ALPK1: variants seen among roughly 807,000 people sequenced by gnomAD.
ALPK1 encodes alpha kinase 1, also known as alpha-protein kinase 1.
Under a neutral mutation model 120.6 loss-of-function variants are expected in ALPK1, and 110 were observed. That is an observed-to-expected ratio of 0.91 (90% CI 0.78 to 1.07). ALPK1 has a LOEUF of 1.07. Ranked by LOEUF, ALPK1 falls within the 50% of genes least tolerant of loss-of-function variation. ALPK1 has a pLI of 0.00. For synonymous variants in ALPK1, 582 were observed against 560.3 expected, an observed-to-expected ratio of 1.04 and a Z score of -0.55; for missense variants, 1,498 against 1,483.9, an observed-to-expected ratio of 1.01 and a Z score of -0.16.
chr4:112,422,411 G>A (rs942639786), intron 5 of ALPK1, among the ~76,000 whole-genome samples: 3 of 152,068 alleles, frequency 2.0e-5, no homozygotes, highest in Admixed American at 6.5e-5. Flanking sequence ...GCTAGACACC[G>A]AGTCCACTGG....
chr4:112,347,002 C>A (rs1730130396), intron 2 of ALPK1, among the ~76,000 whole-genome samples: 1 of 152,214 alleles, frequency 6.6e-6, no homozygotes, highest in Non-Finnish European at 1.5e-5. Flanking sequence ...CTCATCAGTT[C>A]TTTTCTTCCC....
In ALPK1 at chr4:112,379,665, C is replaced by T. The variant is rs533060027; in HGVS notation, c.121+1767C>T. Reference sequence around the variant, plus strand: ...TACAGGGTCACTTATGGCAGCGGGGCGAGCCAGCAGACCCTGCAACACAAA... The same window carrying T: ...TACAGGGTCACTTATGGCAGCGGGGTGAGCCAGCAGACCCTGCAACACAAA... On this transcript the variant is annotated intron_variant, in intron 3 of 15. Coordinates refer to ENST00000650871, the MANE Select transcript of ALPK1 (RefSeq NM_025144.4). Among the ~76,000 whole-genome samples the T allele has an allele frequency of 5.4e-4, 83 of 152,300 alleles. 1 individual carries two copies. The South Asian group carries it at 0.012, about 22-fold the overall frequency.
At chr4:112,302,904 AACTT>A (rs1727854382) in intron 1 of ALPK1, among the ~76,000 whole-genome samples, 1 of 152,168 alleles carries the variant, frequency 6.6e-6, no homozygotes, top group Non-Finnish European at 1.5e-5. Context: ...ATTTGCCCTG[AACTT>A]ACTTACATTC....
chr4:112,419,159 G>C (rs970880285), intron 5 of ALPK1, among the ~76,000 whole-genome samples: 18 of 152,126 alleles, frequency 1.2e-4, no homozygotes, highest in African/African-American at 4.3e-4. Context: ...AGATTGCTTT[G>C]ATAAAATTTA....
intron 2 of ALPK1, among the ~76,000 whole-genome samples, chr4:112,366,329 C>G (rs1731150226): frequency 6.6e-6 from 1 of 151,574 alleles, no homozygotes; most frequent in Admixed American, 6.6e-5. Flanking sequence ...CCAGAATCTA[C>G]AAATAAACAA....
intron 2 of ALPK1, among the ~76,000 whole-genome samples, chr4:112,341,170 A>AT (rs1221789433): frequency 6.6e-6 from 1 of 152,202 alleles, no homozygotes; most frequent in Non-Finnish European, 1.5e-5. Context: ...CTCTGTAGAC[A>AT]TAGAGGGATG....
At chr4:112,357,208 G>T (rs1730673910) in intron 2 of ALPK1, 2 of 1,551,786 alleles carry the variant, frequency 1.3e-6, no homozygotes, top group South Asian at 2.4e-5. Flanking sequence ...GCACGTTTCA[G>T]ACCAAGGGCT....
At position 112,323,796 on chromosome 4, in the gene ALPK1, C is replaced by G. The variant is rs574153953; in HGVS notation, c.-101+7944C>G. 2.6e-5 allele frequency among the ~76,000 whole-genome samples: 4 copies of G among 152,268 alleles called. No individual in the cohort carries two copies. The South Asian group carries it at 8.3e-4, about 32-fold the overall frequency. On this transcript the variant is annotated intron_variant, in intron 2 of 15. Coordinates refer to ENST00000650871, the MANE Select transcript of ALPK1 (RefSeq NM_025144.4). ...CGCTCCTTATAAGCTAATGAGCTAG[C>G]CTGTTATTTCATGGATTTTGGCAGA... is the stretch of plus-strand genomic sequence containing the variant.
intron 1 of ALPK1, among the ~76,000 whole-genome samples, chr4:112,315,199 T>C (rs574907866): frequency 6.6e-6 from 1 of 152,234 alleles, no homozygotes; most frequent in Non-Finnish European, 1.5e-5. Context: ...CATTTTAATA[T>C]ACAATAAAGT....
Position 112,430,911 on chromosome 4 carries a change from T to A in ALPK1, c.1364T>A (p.Ile455Asn). The A allele has an allele frequency of 6.2e-7, 1 of 1,614,180 alleles. No individual in the cohort carries two copies. Among genetic ancestry groups the A allele is most frequent in the Non-Finnish European group, 8.5e-7 (1 of 1,180,008 alleles). Residue 455 changes from isoleucine (I) to asparagine (N), a missense_variant, in exon 11 of 16, where the codon ATC becomes AAC. Transcript: ENST00000650871. ...CATGGGCAAGGGGATTTCCAAAAAA[T>A]CCTTGACACCTATTCACAGCACCAT... is the stretch of plus-strand genomic sequence containing the variant. ...ILHGQGDFQK[I>N]LDTYSQHHTS...
At chr4:112,321,401 TG>T (rs2110545577) in intron 2 of ALPK1, among the ~76,000 whole-genome samples, 1 of 152,320 alleles carries the variant, frequency 6.6e-6, no homozygotes, top group African/African-American at 2.4e-5. Context: ...GGGTTTGGTT[TG>T]TTCTTGTTTC....
chr4:112,360,667 T>A (rs1730873939), intron 2 of ALPK1, among the ~76,000 whole-genome samples: 1 of 152,234 alleles, frequency 6.6e-6, no homozygotes, highest in African/African-American at 2.4e-5. Flanking sequence ...GTGATCTTTC[T>A]TCTCTCTAAA....
At chr4:112,360,873 G>T (rs1471269554) in intron 2 of ALPK1, among the ~76,000 whole-genome samples, 2 of 151,942 alleles carry the variant, frequency 1.3e-5, no homozygotes, top group Non-Finnish European at 2.9e-5. Flanking sequence ...TTTCTCTCTA[G>T]CTGCTTTAAA....
chr4:112,425,755 C>G lies in ALPK1; in HGVS notation c.622+4C>G, dbSNP rs1734208690. ...GGGCAGATTCTGCAAAAGCTGGGTA[C>G]AATCATGTAAAACTTGCATTTCTCA... is the stretch of plus-strand genomic sequence containing the variant. On this transcript the variant is annotated splice_donor_region_variant and intron_variant, in intron 7 of 15. Coordinates refer to ENST00000650871, the MANE Select transcript of ALPK1 (RefSeq NM_025144.4). 6.2e-7 allele frequency: 1 copy of G among 1,608,144 alleles called. No individual in the cohort carries two copies. Among genetic ancestry groups the G allele is most frequent in the African/African-American group, 1.3e-5 (1 of 74,758 alleles).
At chr4:112,317,102 G>A (rs1460932956) in intron 2 of ALPK1, among the ~76,000 whole-genome samples, 2 of 151,990 alleles carry the variant, frequency 1.3e-5, no homozygotes, top group Admixed American at 1.3e-4. Context: ...TTTTTTTGTT[G>A]TTGAGTTACA....
At position 112,414,233 on chromosome 4, in the gene ALPK1, T is replaced by A. The variant is rs76185859; in HGVS notation, c.475+2208T>A. 715 of 481,032 alleles carry A rather than the reference T, an allele frequency of 1.5e-3. 8 individuals carry two copies. Among genetic ancestry groups the A allele is most frequent in the African/African-American group, 0.012 (619 of 51,126 alleles). The allele number at this position is 481,032 out of a possible 1,614,324, so 29.8% of individuals were successfully genotyped here. The stretch of plus-strand genomic sequence containing the variant: ...AGGACAGCAGTCTTGCTATTATCCA[T>A]CTGATCCAGCGCTTCCTGGTATCCA... On this transcript the variant is annotated intron_variant, in intron 5 of 15. Coordinates refer to ENST00000650871, the MANE Select transcript of ALPK1 (RefSeq NM_025144.4).
chr4:112,398,386 C>A (rs1560670088), intron 4 of ALPK1, among the ~76,000 whole-genome samples: 3 of 152,028 alleles, frequency 2.0e-5, no homozygotes, highest in African/African-American at 7.2e-5. Flanking sequence ...TCAAATTCCT[C>A]TGTTCAAGTG....
intron 4 of ALPK1, among the ~76,000 whole-genome samples, chr4:112,394,282 CT>C (rs1014583230): frequency 1.3e-5 from 2 of 152,184 alleles, no homozygotes; most frequent in African/African-American, 4.8e-5. Context: ...TGCCCCTCTG[CT>C]TCTTTCTGTT....
chr4:112,349,247 G>A (rs1447752337), intron 2 of ALPK1, among the ~76,000 whole-genome samples: 1 of 152,028 alleles, frequency 6.6e-6, no homozygotes, highest in East Asian at 1.9e-4. Context: ...TTATTATTAC[G>A]TGACTTTATA....
Sources: gnomAD v4.1 joint callset for allele counts (sites outside exome capture counted in the v4.1 genomes callset) on GRCh38, gnomAD v4.1.1 for gene constraint, MANE v1.5 for transcripts, NCBI Gene and HGNC (gene_info 2026-07-23, HGNC 2026-07-21) for gene names.